SLC17A9: variants seen among roughly 807,000 people sequenced by gnomAD.
SLC17A9 encodes voltage-gated purine nucleotide uniporter SLC17A9.
SLC17A9 carries 49 observed loss-of-function variants against 55.0 expected under a neutral mutation model. That is an observed-to-expected ratio of 0.89 (90% CI 0.71 to 1.13). The LOEUF (loss-of-function observed/expected upper bound fraction) is 1.13, where lower values mean the gene tolerates loss of function less well. Among genes scored for constraint, SLC17A9 ranks in the 50% most tolerant of loss-of-function variants. The pLI, the probability that SLC17A9 is intolerant of heterozygous loss-of-function variation, is 0.00. For missense variants in SLC17A9, 526 were observed against 569.3 expected (o/e 0.92, Z 0.77); for synonymous variants, 256 against 247.4 (o/e 1.03, Z -0.32).
chr20:62,954,037 G>A (rs1251966448), intron 1 of SLC17A9, among the ~76,000 whole-genome samples: 2 of 152,094 alleles, frequency 1.3e-5, no homozygotes, highest in African/African-American at 2.4e-5. Context: ...CCTTCACTAC[G>A]TCCCTCCCAG....
intron 1 of SLC17A9, among the ~76,000 whole-genome samples, chr20:62,955,408 A>C (rs111643394): frequency 6.6e-6 from 1 of 152,030 alleles, no homozygotes; most frequent in East Asian, 1.9e-4. Context: ...AGCCTCCCCA[A>C]GTGCTGGGAT....
intron 7 of SLC17A9, 82 bp downstream of exon 7, chr20:62,963,762 C>A: frequency 7.6e-7 from 1 of 1,311,134 alleles, no homozygotes; most frequent in Non-Finnish European, 1.1e-6. Flanking sequence ...GGGTCCTTGG[C>A]CTGCAGATGG....
Position 62,964,316 on chromosome 20 carries a change from G to A in SLC17A9, c.910+1G>A. ...CTCTCTGATCATCTCATCAATCAGGGTGAGCCCCAGGGAGGGGACCGGGGC... is the reference window on the plus strand; with the variant it reads ...CTCTCTGATCATCTCATCAATCAGGATGAGCCCCAGGGAGGGGACCGGGGC... On this transcript the variant is annotated splice_donor_variant, in intron 8 of 12. Coordinates refer to ENST00000370351, the MANE Select transcript of SLC17A9 (RefSeq NM_022082.4). LOFTEE classifies it high-confidence loss of function. 1 of 1,614,136 alleles carries A rather than the reference G, an allele frequency of 6.2e-7. No individual in the cohort carries two copies. Among genetic ancestry groups the A allele is most frequent in the African/African-American group, 1.3e-5 (1 of 75,062 alleles).
rs773707360 is a variant in SLC17A9, at chr20:62,956,974, T to C, written c.257+12T>C. The C allele has an allele frequency of 2.4e-4, 383 of 1,613,144 alleles. No homozygotes were observed. Among genetic ancestry groups the C allele is most frequent in the Non-Finnish European group, 3.1e-4 (360 of 1,179,948 alleles). On this transcript the variant is annotated intron_variant, in intron 2 of 12. Transcript: ENST00000370351. ...CACCTCGGGGATCGGTAACTGCCCA[T>C]CTTCCCCATCTCCTGGCTGGTGGGG...
Position 62,952,758 on chromosome 20 carries a change from G to A in SLC17A9, c.-73G>A, listed in dbSNP as rs1389214769. ...ACGTGGACTTGGGCGGTGCTGCCCG[G>A]GTGGGTCAGCCTGGGCTGGGAGGCA... On this transcript the variant is annotated 5_prime_UTR_variant, in exon 1 of 13. Coordinates refer to ENST00000370351, the MANE Select transcript of SLC17A9 (RefSeq NM_022082.4). The A allele has an allele frequency of 2.7e-6, 4 of 1,474,996 alleles. No individual in the cohort carries two copies. Among genetic ancestry groups the A allele is most frequent in the Admixed American group, 2.1e-5 (1 of 48,160 alleles). 91.4% of individuals were successfully genotyped at this position (1,474,996 alleles called of 1,614,324 possible).
chr20:62,953,352 A>G, intron 1 of SLC17A9: 2 of 1,475,106 alleles, frequency 1.4e-6, no homozygotes, highest in Admixed American at 4.0e-5. Flanking sequence ...TGTGCTGAGG[A>G]CGAGCTCCCC....
At chr20:62,967,300 C>G (rs902649615) in intron 12 of SLC17A9, 37 bp from the exon 13 acceptor site, 1 of 1,608,882 alleles carries the variant, frequency 6.2e-7, no homozygotes, top group South Asian at 1.1e-5. Context: ...CTGGGCTGCC[C>G]GGGAGCACTC....
Position 62,962,966 on chromosome 20 carries a change from GCAGA to G in SLC17A9, c.628+215_628+218del. On this transcript the variant is annotated intron_variant, in intron 5 of 12. Transcript: ENST00000370351. This position sits in a 1 kb window ranked among gnomAD's most constrained non-coding sequence, Gnocchi z 5.5. ...CTGGAAGGTTCCATCTAGGGCTAAG[GCAGA>G]CACCCAGGAAGACCTGCTGGGCACA... is the stretch of plus-strand genomic sequence containing the variant. The G allele has an allele frequency of 1.4e-6, 1 of 726,456 alleles. No individual in the cohort carries two copies. The highest frequency in any genetic ancestry group is 2.2e-6 in the Non-Finnish European group (1 of 454,670). The allele number at this position is 726,456 out of a possible 1,614,324, so 45.0% of individuals were successfully genotyped here.
intron 10 of SLC17A9, 51 bp downstream of exon 10, chr20:62,965,776 G>C (rs756642261): frequency 6.5e-7 from 1 of 1,545,758 alleles, no homozygotes; most frequent in Admixed American, 1.7e-5. Flanking sequence ...CCGCACGGCC[G>C]AGGCCCGCAC....
At position 62,962,909 on chromosome 20, in the gene SLC17A9, G is replaced by A. The variant is rs562599547; in HGVS notation, c.628+155G>A. The A allele has an allele frequency of 4.3e-5, 49 of 1,133,490 alleles. No individual in the cohort carries two copies. The South Asian group carries it at 7.1e-4, about 16-fold the overall frequency. 70.2% of individuals were successfully genotyped at this position (1,133,490 alleles called of 1,614,324 possible). On this transcript the variant is annotated intron_variant, in intron 5 of 12. Coordinates refer to ENST00000370351, the MANE Select transcript of SLC17A9 (RefSeq NM_022082.4). This position sits in a 1 kb window ranked among gnomAD's most constrained non-coding sequence, Gnocchi z 5.5. ...CAGTGAGGAAAAGCGCTCGGGTGCT[G>A]AGCTGTCAGCGGCTCCGCCACCCAA...
intron 4 of SLC17A9, among the ~76,000 whole-genome samples, chr20:62,960,915 C>G (rs1025578869): frequency 6.6e-6 from 1 of 152,266 alleles, no homozygotes; most frequent in African/African-American, 2.4e-5. Context: ...GCTAACGATG[C>G]CAGATGCCGT....
At chr20:62,966,892 C>T in intron 12 of SLC17A9, 160 bp downstream of exon 12, 1 of 883,548 alleles carries the variant, frequency 1.1e-6, no homozygotes, top group Non-Finnish European at 1.7e-6. Flanking sequence ...ATGGGGCTGC[C>T]TTCCAGGTTC....
rs1277782545 is a variant in SLC17A9 at position 62,958,516 on chromosome 20, A to G, written c.397+936A>G. Among the ~76,000 whole-genome samples, 1 of 151,920 alleles carries G rather than the reference A, an allele frequency of 6.6e-6. No individual in the cohort carries two copies. Among genetic ancestry groups the G allele is most frequent in the Non-Finnish European group, 1.5e-5 (1 of 67,958 alleles). On this transcript the variant is annotated intron_variant, in intron 3 of 12. Coordinates refer to ENST00000370351, the MANE Select transcript of SLC17A9 (RefSeq NM_022082.4). The surrounding 1 kb of genome is among the most constrained non-coding windows in gnomAD (Gnocchi z 4.1). ...AGCCTGCAGGGGCCTGCTGGCCCCA[A>G]CCCAGCCTGCCTGGCCACCCCACCC...
In SLC17A9 at chr20:62,963,675, G is replaced by T; in HGVS notation, c.817G>T (p.Ala273Ser). 6.3e-7 allele frequency: 1 copy of T among 1,591,856 alleles called. No homozygotes were observed. The change falls in exon 7 of 13, where the codon GCC (alanine) becomes TCC (serine). Residue 273 changes from alanine to serine, a missense_variant. Ala to Ser is a moderately conservative substitution (Grantham distance 99). Coordinates refer to ENST00000370351, the MANE Select transcript of SLC17A9 (RefSeq NM_022082.4). ...CTTCTTCGAGGAGACCTTCCCCGAC[G>T]CCAAGGTGAGTCGGGGGCTCCCGCA... ...PTFFEETFPD[A>S]KGWIFNVVPW...
In SLC17A9 at chr20:62,963,610, CA is replaced by C. The variant is rs777308571; in HGVS notation, c.753del (p.Ala252ProfsTer138). ...GCAGCCGTCGTCTCCCAGCTCTCTG[CA>C]GCCTGCTCCTTCTTCATCCTCCTCT... ...VWAAVVSQLS[A>X]ACSFFILLSW... On this transcript the variant is annotated frameshift_variant, in exon 7 of 13. Transcript: ENST00000370351. LOFTEE classifies it high-confidence loss of function. 1.2e-6 allele frequency: 2 copies of C among 1,601,172 alleles called. No homozygotes were observed. The highest frequency in any genetic ancestry group is 1.7e-6 in the Non-Finnish European group (2 of 1,173,912).
chr20:62,961,433 CG>C (rs1330502111), intron 4 of SLC17A9, among the ~76,000 whole-genome samples: 6 of 152,288 alleles, frequency 3.9e-5, no homozygotes, highest in African/African-American at 1.2e-4. Context: ...TCCCTCCCTG[CG>C]CCCGCTCCTT....
rs1396091433 is a variant in SLC17A9 at position 62,958,777 on chromosome 20, G to T, written c.397+1197G>T. 6.6e-6 allele frequency among the ~76,000 whole-genome samples: 1 copy of T among 152,176 alleles called. No individual in the cohort carries two copies. The highest frequency in any genetic ancestry group is 2.4e-5 in the African/African-American group (1 of 41,436). On this transcript the variant is annotated intron_variant, in intron 3 of 12. Transcript: ENST00000370351. The surrounding 1 kb of genome is among the most constrained non-coding windows in gnomAD (Gnocchi z 4.1). ...ACTCCCCAAGGTTATGGCCTGGAAGGTGCTGCCTGGGACTGTCTCCATAAC... is the reference window on the plus strand; with the variant it reads ...ACTCCCCAAGGTTATGGCCTGGAAGTTGCTGCCTGGGACTGTCTCCATAAC...
Position 62,960,547 on chromosome 20 carries a change from G to A in SLC17A9, c.441G>A (p.Val147=). Residue 147 remains valine (V), a synonymous_variant, in exon 4 of 13, where the codon GTG becomes GTA. Coordinates refer to ENST00000370351, the MANE Select transcript of SLC17A9 (RefSeq NM_022082.4). The stretch of plus-strand genomic sequence containing the variant: ...TGACCAGCCTGCTGTCGCAGAAGGT[G>A]CGGGAGAGTGAGCGAGCCTTCACCT... The part of the protein sequence containing the change: ...PALTSLLSQK[V]RESERAFTYS... 1 of 1,613,682 alleles carries A rather than the reference G, an allele frequency of 6.2e-7. No individual in the cohort carries two copies. Among genetic ancestry groups the A allele is most frequent in the South Asian group, 1.1e-5 (1 of 91,036 alleles).
In SLC17A9 at chr20:62,958,340, G is replaced by T. The variant is rs2065560294; in HGVS notation, c.397+760G>T. 6.6e-6 allele frequency among the ~76,000 whole-genome samples: 1 copy of T among 152,038 alleles called. No homozygotes were observed. Among genetic ancestry groups the T allele is most frequent in the African/African-American group, 2.4e-5 (1 of 41,406 alleles). On this transcript the variant is annotated intron_variant, in intron 3 of 12. Transcript: ENST00000370351. This position sits in a 1 kb window ranked among gnomAD's most constrained non-coding sequence, Gnocchi z 4.1. ...CCTGCTGTGGGACTCTGGGTTTTGT[G>T]CATTTTGGTCACACGTATGCTGATG...
Sources: allele counts gnomAD v4.1 joint callset (sites outside exome capture counted in the v4.1 genomes callset), GRCh38; gene constraint gnomAD v4.1.1; non-coding constraint Gnocchi (gnomAD v3.1); transcripts MANE v1.5; gene names NCBI Gene and HGNC (gene_info 2026-07-23, HGNC 2026-07-21).